The following ZNF787 variants were observed in gnomAD, a reference collection of about 807,000 sequenced individuals.
ZNF787 encodes the protein TTF-I-interacting peptide 20.
In ZNF787, 7 loss-of-function variants were observed where a neutral mutation model predicts 16.9. The ratio of observed to expected loss-of-function variants is 0.42; its 90% CI spans 0.24 to 0.78. The LOEUF (loss-of-function observed/expected upper bound fraction) is 0.78. Ranked by LOEUF, ZNF787 falls within the 30% of genes least tolerant of loss-of-function variation. The pLI, the probability that ZNF787 is intolerant of heterozygous loss-of-function variation, is 0.30. For synonymous variants in ZNF787, 345 were observed against 270.9 expected (o/e 1.27, Z -2.69); for missense variants, 551 against 589.3 (o/e 0.94, Z 0.67).
At position 56,094,161 on chromosome 19, in the gene ZNF787, T is replaced by C. The variant is rs149556890; in HGVS notation, c.80-5069A>G. Among the ~76,000 whole-genome samples, 1,207 of 151,458 alleles carry C rather than the reference T, an allele frequency of 8.0e-3. 20 individuals are homozygous for C. The highest frequency in any genetic ancestry group is 0.028 in the African/African-American group (1,146 of 41,198). On this transcript the variant is annotated intron_variant, in intron 2 of 2. Coordinates refer to ENST00000610935, the MANE Select transcript of ZNF787 (RefSeq NM_001002836.4). ...GCCTCAGCCTCCCGAGTAGCAGGGA[T>C]TACAGGCATGAGCCATCATGCCCGG... is the stretch of plus-strand genomic sequence containing the variant.
In ZNF787 at chr19:56,089,807, C is replaced by T. The variant is rs75846132; in HGVS notation, c.80-715G>A. ...ACAGGGCTTTGCCTGCACATCTTTA[C>T]ACTGAGGACGCCCTTCCAGCAGTCA... is the stretch of plus-strand genomic sequence containing the variant. On this transcript the variant is annotated intron_variant, in intron 2 of 2. Coordinates refer to ENST00000610935, the MANE Select transcript of ZNF787 (RefSeq NM_001002836.4). 7.6e-3 allele frequency among the ~76,000 whole-genome samples: 1,157 copies of T among 152,330 alleles called. 21 individuals are homozygous for T. Among genetic ancestry groups the T allele is most frequent in the African/African-American group, 0.026 (1,095 of 41,570 alleles).
chr19:56,101,926 A>C lies in ZNF787; in HGVS notation c.79+1213T>G, dbSNP rs1485782812. 3 of 152,226 alleles carry C rather than the reference A, an allele frequency of 2.0e-5. No homozygotes were observed. The East Asian group carries it at 5.8e-4, about 29-fold the overall frequency. The allele number at this position is 152,226 out of a possible 1,614,324, so 9.4% of individuals were successfully genotyped here. A position where few individuals can be genotyped will look rare whatever the true frequency, so the allele number is the denominator to read the frequency against. On this transcript the variant is annotated intron_variant, in intron 2 of 2. Transcript: ENST00000610935. ...GGTGCGGGATGGCAACCACCCACTG[A>C]GACGCGGGGCAGCCTGGGGCCGGGG...
intron 1 of ZNF787, among the ~76,000 whole-genome samples, chr19:56,116,097 T>C (rs961910540): frequency 3.3e-5 from 5 of 152,032 alleles, no homozygotes; most frequent in African/African-American, 1.2e-4. Context: ...ATGGGAAATC[T>C]GTGCATCTTC....
chr19:56,092,614 C>A (rs1599940733), intron 2 of ZNF787, among the ~76,000 whole-genome samples: 1 of 147,272 alleles, frequency 6.8e-6, no homozygotes, highest in Non-Finnish European at 1.5e-5. Flanking sequence ...TCATCCTTTT[C>A]TTTGTGACAT....
At chr19:56,106,448 G>C (rs992500508) in intron 1 of ZNF787, among the ~76,000 whole-genome samples, 11 of 152,248 alleles carry the variant, frequency 7.2e-5, no homozygotes, top group South Asian at 6.2e-4. Context: ...CTCTGGGAAG[G>C]AGAAGCCTGC....
intron 1 of ZNF787, among the ~76,000 whole-genome samples, chr19:56,105,768 T>C (rs933228697): frequency 3.3e-5 from 5 of 152,152 alleles, no homozygotes; most frequent in African/African-American, 7.2e-5. Context: ...CATTCCCCCA[T>C]GTAAAGTGTA....
At chr19:56,103,369 C>T (rs1986180050) in intron 1 of ZNF787, 142 bp from the exon 2 acceptor site, 1 of 661,434 alleles carries the variant, frequency 1.5e-6, no homozygotes, top group Non-Finnish European at 2.4e-6. Flanking sequence ...TACCCCAGGA[C>T]ACCGAGAACT....
At chr19:56,091,304 A>C (rs1366300123) in intron 2 of ZNF787, among the ~76,000 whole-genome samples, 1 of 151,210 alleles carries the variant, frequency 6.6e-6, no homozygotes, top group African/African-American at 2.5e-5. Flanking sequence ...GCTGTGAAGA[A>C]AGAAAGTGTA....
chr19:56,087,885 C>G lies in ZNF787; in HGVS notation c.*138G>C, dbSNP rs1318058775. On this transcript the variant is annotated 3_prime_UTR_variant, in exon 3 of 3. Coordinates refer to ENST00000610935, the MANE Select transcript of ZNF787 (RefSeq NM_001002836.4). Reference sequence around the variant, plus strand: ...TGCCCCCCCACGGACGGCGCAGGGACAGAGGAGGGCGGGGAGCCGGGGATG... The same window carrying G: ...TGCCCCCCCACGGACGGCGCAGGGAGAGAGGAGGGCGGGGAGCCGGGGATG... 3.2e-6 allele frequency: 4 copies of G among 1,260,104 alleles called. No individual in the cohort carries two copies. The highest frequency in any genetic ancestry group is 7.2e-5 in the East Asian group (2 of 27,946). The allele number at this position is 1,260,104 out of a possible 1,614,324, so 78.1% of individuals were successfully genotyped here. A position where few individuals can be genotyped will look rare whatever the true frequency, so the allele number is the denominator to read the frequency against.
rs761271446 is a variant in ZNF787 at position 56,088,165 on chromosome 19, T to G, written c.1007A>C (p.Lys336Thr). The G allele has an allele frequency of 6.4e-7, 1 of 1,553,594 alleles. No homozygotes were observed. The highest frequency in any genetic ancestry group is 1.2e-5 in the South Asian group (1 of 86,176). ...GGGCGCGCCCACCGCGTGGATCTTC[T>G]TGTGTCTCCGGAGCGCGGCGCCCTG... ...FVQGAALRRH[K>T]KIHAVGAPSV... The change falls in exon 3 of 3, where the codon AAG becomes ACG. Residue 336 changes from lysine (K) to threonine (T), a missense_variant. This residue lies in a region of ZNF787 where 392 missense variants were observed against 312.7 expected (regional missense o/e 1.25). Coordinates refer to ENST00000610935, the MANE Select transcript of ZNF787 (RefSeq NM_001002836.4). This position sits in a 1 kb window ranked among gnomAD's most constrained non-coding sequence, Gnocchi z 8.6.
At chr19:56,095,581 C>T (rs1446544567) in intron 2 of ZNF787, among the ~76,000 whole-genome samples, 11 of 152,214 alleles carry the variant, frequency 7.2e-5, no homozygotes, top group Admixed American at 5.2e-4. Flanking sequence ...ACACTCCAGC[C>T]GCTGTCCCCA....
chr19:56,110,356 C>T (rs4801675), intron 1 of ZNF787, among the ~76,000 whole-genome samples: 2,457 of 145,446 alleles, frequency 0.017, 109 homozygotes, highest in East Asian at 0.13. Context: ...AGCGAGACTC[C>T]GTCTCAAAAA....
chr19:56,100,140 C>T (rs1986037647), intron 2 of ZNF787, among the ~76,000 whole-genome samples: 1 of 152,188 alleles, frequency 6.6e-6, no homozygotes, highest in Admixed American at 6.5e-5. Flanking sequence ...GGGGTGAGGG[C>T]CCGCTGGTCC....
intron 2 of ZNF787, among the ~76,000 whole-genome samples, chr19:56,089,922 TGAG>T (rs1218413136): frequency 6.6e-6 from 1 of 152,164 alleles, no homozygotes; most frequent in Non-Finnish European, 1.5e-5. Context: ...CATTCACTCC[TGAG>T]AAGGGTCCGT....
In ZNF787 at chr19:56,087,373, G is replaced by C. The variant is rs906339586; in HGVS notation, c.*650C>G. On this transcript the variant is annotated 3_prime_UTR_variant, in exon 3 of 3. Coordinates refer to ENST00000610935, the MANE Select transcript of ZNF787 (RefSeq NM_001002836.4). ...AAGAACCACGCAGAGGGGGACATTT[G>C]GATAGTGCCGTTTATTGTTCCAGCA... 1 of 151,836 alleles carries C rather than the reference G, an allele frequency of 6.6e-6. No homozygotes were observed. The highest frequency in any genetic ancestry group is 1.5e-5 in the Non-Finnish European group (1 of 68,114). The allele number at this position is 151,836 out of a possible 1,614,324, so 9.4% of individuals were successfully genotyped here.
rs5828672 is a variant in ZNF787 at position 56,088,071 on chromosome 19, C to CTCG, written c.1098_1100dup (p.Asp366dup). 37,829 of 1,470,062 alleles carry CTCG rather than the reference C, an allele frequency of 0.026. 3,744 individuals carry two copies. In the Admixed American group the frequency reaches 0.3, roughly 12 times the overall value. The allele number at this position is 1,470,062 out of a possible 1,614,324, so 91.1% of individuals were successfully genotyped here. On this transcript the variant is annotated inframe_insertion, in exon 3 of 3. Transcript: ENST00000610935. The surrounding 1 kb of genome is among the most constrained non-coding windows in gnomAD (Gnocchi z 8.6). ...ACTCGGGGCACCGCCCGCCCGCGGC[C>CTCG]TCGTCGTCGTCGTCCTCCTCCTCCC...
intron 1 of ZNF787, among the ~76,000 whole-genome samples, chr19:56,108,203 C>G (rs530858280): frequency 6.6e-6 from 1 of 152,040 alleles, no homozygotes; most frequent in African/African-American, 2.4e-5. Context: ...AGGCGCCGCT[C>G]CCCGCTCTCT....
At chr19:56,107,525 T>C (rs12982919) in intron 1 of ZNF787, among the ~76,000 whole-genome samples, 1 of 139,176 alleles carries the variant, frequency 7.2e-6, no homozygotes, top group African/African-American at 2.6e-5. Context: ...ATGGGGTCAC[T>C]GGGAGAAACG....
chr19:56,097,695 C>T (rs1044909590), intron 2 of ZNF787, among the ~76,000 whole-genome samples: 2 of 152,204 alleles, frequency 1.3e-5, no homozygotes, highest in African/African-American at 2.4e-5. Flanking sequence ...GCAGGCACGG[C>T]GCGAGGGATC....
Sources: allele counts gnomAD v4.1 joint callset (sites outside exome capture counted in the v4.1 genomes callset), GRCh38; gene constraint gnomAD v4.1.1; regional missense constraint gnomAD v4.1.1; non-coding constraint Gnocchi (gnomAD v3.1); transcripts MANE v1.5; gene names NCBI Gene and HGNC (gene_info 2026-07-23, HGNC 2026-07-21).